The following CELF4 variants were observed in gnomAD, a reference collection of about 807,000 sequenced individuals.
CELF4 encodes CUG-BP- and ETR-3-like factor 4.
A neutral mutation model predicts 59.9 loss-of-function variants in CELF4; 18 were observed. The observed-to-expected ratio is 0.30, with a 90% CI of 0.21 to 0.45. CELF4 has a LOEUF of 0.45. Ranked by LOEUF, CELF4 falls within the 20% of genes least tolerant of loss-of-function variation. CELF4 has a pLI of 1.00. For missense variants in CELF4, 456 were observed against 689.0 expected (o/e 0.66, Z 3.79); for synonymous variants, 261 against 267.1 (o/e 0.98, Z 0.22).
chr18:37,445,139 T>G (rs979685843), intron 2 of CELF4, among the ~76,000 whole-genome samples: 1 of 152,126 alleles, frequency 6.6e-6, no homozygotes, highest in Non-Finnish European at 1.5e-5. Flanking sequence ...CTGATTTAGG[T>G]GGCCTGGTGC....
At chr18:37,442,681 T>A (rs1163703120) in intron 2 of CELF4, among the ~76,000 whole-genome samples, 1 of 152,322 alleles carries the variant, frequency 6.6e-6, no homozygotes, top group South Asian at 2.1e-4. Flanking sequence ...GATTGTGCTG[T>A]GCCTCGTCTC....
At chr18:37,519,336 C>T (rs535062863) in intron 1 of CELF4, among the ~76,000 whole-genome samples, 77 of 152,190 alleles carry the variant, frequency 5.1e-4, no homozygotes, top group African/African-American at 1.3e-3. Context: ...AACCCTTGCC[C>T]GACTTGCTGC....
At chr18:37,259,517 T>A (rs1176722639) in intron 10 of CELF4, among the ~76,000 whole-genome samples, 1 of 152,168 alleles carries the variant, frequency 6.6e-6, no homozygotes, top group Non-Finnish European at 1.5e-5. Flanking sequence ...GCCTTTTCTA[T>A]AAAATGGATC....
At chr18:37,532,765 T>C (rs1442034687) in intron 1 of CELF4, among the ~76,000 whole-genome samples, 2 of 152,234 alleles carry the variant, frequency 1.3e-5, no homozygotes, top group Non-Finnish European at 2.9e-5. Flanking sequence ...CCAAGTGGGA[T>C]AATAATTCCT....
chr18:37,254,577 G>A lies in CELF4; in HGVS notation c.1334-639C>T, dbSNP rs1335267900. 6.6e-6 allele frequency among the ~76,000 whole-genome samples: 1 copy of A among 152,146 alleles called. No individual in the cohort carries two copies. The highest frequency in any genetic ancestry group is 2.4e-5 in the African/African-American group (1 of 41,448). ...CCGCCAGGCTCCGGGTGGGCCCTGG[G>A]CGTCACCTCGCCCCGGGCGCCGTCG... On this transcript the variant is annotated intron_variant, in intron 11 of 12. Coordinates refer to ENST00000420428, the MANE Select transcript of CELF4 (RefSeq NM_020180.4). The surrounding 1 kb of genome is among the most constrained non-coding windows in gnomAD (Gnocchi z 5.1).
Position 37,485,439 on chromosome 18 carries a change from C to A in CELF4, c.369+86G>T, listed in dbSNP as rs1342888043. ...GGCGGCGGGCGCCCTGCCGTCCTCT[C>A]CCCGCGCGCCGCGCCGCCGCCCGGC... On this transcript the variant is annotated intron_variant, in intron 2 of 12. Coordinates refer to ENST00000420428, the MANE Select transcript of CELF4 (RefSeq NM_020180.4). 3 of 795,590 alleles carry A rather than the reference C, an allele frequency of 3.8e-6. No homozygotes were observed. The South Asian group carries it at 1.7e-4, about 45-fold the overall frequency. 49.3% of individuals were successfully genotyped at this position (795,590 alleles called of 1,614,324 possible). A position where few individuals can be genotyped will look rare whatever the true frequency, so the allele number is the denominator to read the frequency against.
intron 3 of CELF4, chr18:37,276,236 C>G (rs1339722057): frequency 6.6e-6 from 1 of 152,226 alleles, no homozygotes; most frequent in East Asian, 1.9e-4. Flanking sequence ...ACAAAGCATG[C>G]ACGCATGGGG....
At chr18:37,301,030 C>T (rs573260513) in intron 3 of CELF4, among the ~76,000 whole-genome samples, 1 of 152,246 alleles carries the variant, frequency 6.6e-6, no homozygotes, top group African/African-American at 2.4e-5. Flanking sequence ...TCTGATTGGG[C>T]CACTGTGTAG....
intron 2 of CELF4, among the ~76,000 whole-genome samples, chr18:37,322,389 C>T (rs961847152): frequency 6.6e-6 from 1 of 152,214 alleles, no homozygotes; most frequent in African/African-American, 2.4e-5. Flanking sequence ...TCAGGCGTGG[C>T]CAAGGCTCTG....
chr18:37,324,732 C>T (rs528306262), intron 2 of CELF4, among the ~76,000 whole-genome samples: 8 of 152,198 alleles, frequency 5.3e-5, no homozygotes, highest in African/African-American at 1.4e-4. Context: ...CCCAGGCCTC[C>T]CCAAGGATCC....
At chr18:37,259,820 T>C (rs1027811511) in intron 10 of CELF4, among the ~76,000 whole-genome samples, 4 of 152,212 alleles carry the variant, frequency 2.6e-5, no homozygotes, top group African/African-American at 9.6e-5. Context: ...GGCCCAACTG[T>C]CCTGCCCAGT....
chr18:37,503,193 C>T (rs1457384898), intron 1 of CELF4, among the ~76,000 whole-genome samples: 1 of 152,228 alleles, frequency 6.6e-6, no homozygotes, highest in Admixed American at 6.5e-5. Context: ...CCTGGCCTCC[C>T]CTGGGATGGT....
At chr18:37,510,575 T>C (rs948544) in intron 1 of CELF4, among the ~76,000 whole-genome samples, 133,001 of 152,248 alleles carry the variant, frequency 0.87, 58,797 homozygotes, top group East Asian at 0.96. Flanking sequence ...TCATGAGCTC[T>C]CCACTTACAG....
At chr18:37,391,341 G>C (rs1393259058) in intron 2 of CELF4, among the ~76,000 whole-genome samples, 5 of 152,192 alleles carry the variant, frequency 3.3e-5, no homozygotes, top group Non-Finnish European at 7.3e-5. Flanking sequence ...CCTTGCCCGT[G>C]CCTGCAGGAA....
chr18:37,526,294 T>G (rs778658737), intron 1 of CELF4, among the ~76,000 whole-genome samples: 4 of 152,212 alleles, frequency 2.6e-5, no homozygotes, highest in Non-Finnish European at 5.9e-5. Flanking sequence ...GACCTGCATT[T>G]GCGTGGCTGT....
At chr18:37,409,793 C>T (rs371894849) in intron 2 of CELF4, among the ~76,000 whole-genome samples, 92 of 152,298 alleles carry the variant, frequency 6.0e-4, no homozygotes, top group South Asian at 1.7e-3. Flanking sequence ...GCTCTGTTTA[C>T]AGATGGGTTT....
chr18:37,556,774 A>T (rs1373024122), intron 1 of CELF4, among the ~76,000 whole-genome samples: 1 of 152,206 alleles, frequency 6.6e-6, no homozygotes, highest in Non-Finnish European at 1.5e-5. Flanking sequence ...ATAGTGTATG[A>T]ATAAACCAGA....
chr18:37,487,209 C>T (rs1176766834), intron 1 of CELF4, among the ~76,000 whole-genome samples: 2 of 152,228 alleles, frequency 1.3e-5, no homozygotes, highest in African/African-American at 2.4e-5. Flanking sequence ...AGCCTGTACC[C>T]AGTGAAAACC....
chr18:37,459,559 G>A (rs2099787992), intron 2 of CELF4, among the ~76,000 whole-genome samples: 1 of 152,074 alleles, frequency 6.6e-6, no homozygotes, highest in Admixed American at 6.5e-5. Context: ...GAGGAATGAG[G>A]ACTGGACAGC....
Sources: gnomAD v4.1 joint callset for allele counts (sites outside exome capture counted in the v4.1 genomes callset) on GRCh38, gnomAD v4.1.1 for gene constraint, Gnocchi (gnomAD v3.1) non-coding constraint, MANE v1.5 for transcripts, NCBI Gene and HGNC (gene_info 2026-07-23, HGNC 2026-07-21) for gene names.